The following FBXL13 variants were observed in gnomAD, a reference collection of about 807,000 sequenced individuals.
FBXL13 encodes F-box and leucine rich repeat protein 13.
A neutral mutation model predicts 83.6 loss-of-function variants in FBXL13; 67 were observed. The ratio of observed to expected loss-of-function variants is 0.80; its 90% confidence interval spans 0.66 to 0.98. FBXL13 has a LOEUF of 0.98. Ranked by LOEUF, FBXL13 falls within the 50% of genes least tolerant of loss-of-function variation. The pLI is 0.00. For synonymous variants in FBXL13, 272 were observed against 299.5 expected (o/e 0.91, Z 0.95); for missense variants, 822 against 866.5 (o/e 0.95, Z 0.64).
chr7:102,977,770 A>T (rs1256247758), intron 6 of FBXL13, among the ~76,000 whole-genome samples: 1 of 152,220 alleles, frequency 6.6e-6, no homozygotes, highest in Non-Finnish European at 1.5e-5. Flanking sequence ...ATGCAGCCAT[A>T]AAAAATGATG....
In FBXL13 at chr7:103,059,929, T is replaced by TA. The variant is rs1200326438; in HGVS notation, c.-104-4183dup. ...AAAAAAGGGGGATAATAAAGGTTCA[T>TA]ACGCTATAGGGCTATCATGAAAATT... On this transcript the variant is annotated intron_variant, in intron 1 of 19. Transcript: ENST00000313221. Among the ~76,000 whole-genome samples the TA allele has an allele frequency of 8.7e-4, 130 of 148,730 alleles. 4 individuals are homozygous for TA. In the Admixed American group the frequency reaches 8.8e-3, roughly 10 times the overall value.
intron 17 of FBXL13, among the ~76,000 whole-genome samples, chr7:102,846,967 T>C (rs560822747): frequency 4.3e-4 from 66 of 152,314 alleles, no homozygotes; most frequent in African/African-American, 1.5e-3. Flanking sequence ...TTTATATATT[T>C]TGAATGGTTG....
At chr7:102,813,465 A>T (rs76271897) in exon 20 of FBXL13, 1 of 1,614,088 alleles carries the variant, frequency 6.2e-7, no homozygotes, top group Non-Finnish European at 8.5e-7. Context: ...AGCCAAACCA[A>T]CGTGGAGGGT....
chr7:102,956,434 A>G (rs890565220), intron 8 of FBXL13, among the ~76,000 whole-genome samples: 7 of 152,232 alleles, frequency 4.6e-5, no homozygotes, highest in African/African-American at 1.7e-4. Flanking sequence ...ATCATACTGA[A>G]TGGGCAAAAT....
upstream of FBXL13, chr7:103,074,660 C>T (rs765792980): frequency 1.2e-5 from 15 of 1,281,740 alleles, no homozygotes; most frequent in Non-Finnish European, 1.5e-5. Flanking sequence ...AACTCCCCAC[C>T]GACGGTCTGT....
At chr7:102,877,674 G>A in intron 15 of FBXL13, 81 bp from the exon 17 acceptor site, 3 of 1,437,096 alleles carry the variant, frequency 2.1e-6, no homozygotes, top group African/African-American at 2.9e-5. Context: ...AACTATCTTG[G>A]GAAAACAAAT....
exon 7 of FBXL13, chr7:102,968,088 C>T (rs750848629): frequency 3.1e-6 from 5 of 1,613,600 alleles, no homozygotes; most frequent in East Asian, 2.2e-5. Context: ...CACATATTAT[C>T]ACATCTTTTA....
rs77592854 is a variant in FBXL13 at position 102,981,182 on chromosome 7, A to G, written c.496-13065T>C. Among the ~76,000 whole-genome samples the G allele has an allele frequency of 3.7e-3, 571 of 152,342 alleles. 8 individuals are homozygous for G. The highest frequency in any genetic ancestry group is 0.014 in the African/African-American group (564 of 41,560). On this transcript the variant is annotated intron_variant, in intron 6 of 19. Transcript: ENST00000313221. Reference sequence around the variant, plus strand: ...GAGAGGTAAAAGCAACTAGAAAAGAAAAGTGGCAGCACAGAAAAGTAGTAG... The same window carrying G: ...GAGAGGTAAAAGCAACTAGAAAAGAGAAGTGGCAGCACAGAAAAGTAGTAG...
chr7:102,973,830 T>C (rs1827082601), intron 6 of FBXL13: 1 of 707,840 alleles, frequency 1.4e-6, no homozygotes, highest in Admixed American at 2.0e-5. Flanking sequence ...TCTTGGTTTC[T>C]CCAGTCTGAA....
At chr7:103,070,717 C>G (rs913031908) in intron 1 of FBXL13, among the ~76,000 whole-genome samples, 1 of 152,120 alleles carries the variant, frequency 6.6e-6, no homozygotes, top group Non-Finnish European at 1.5e-5. Context: ...GCAAAGGGAG[C>G]CAGCATGTAA....
At chr7:102,893,519 C>T (rs572097573) in intron 11 of FBXL13, among the ~76,000 whole-genome samples, 14 of 152,306 alleles carry the variant, frequency 9.2e-5, no homozygotes, top group African/African-American at 3.4e-4. Flanking sequence ...GTAATCCCAG[C>T]ACTTTGGGAG....
chr7:102,885,490 G>A (rs578161708), intron 11 of FBXL13, among the ~76,000 whole-genome samples: 17 of 150,652 alleles, frequency 1.1e-4, no homozygotes, highest in South Asian at 4.2e-4. Context: ...TTGTTGAATT[G>A]TAAGAATTCT....
At chr7:103,006,471 C>T (rs941863123) in intron 6 of FBXL13, among the ~76,000 whole-genome samples, 3 of 152,100 alleles carry the variant, frequency 2.0e-5, no homozygotes, top group African/African-American at 7.2e-5. Flanking sequence ...TCATTGAATA[C>T]TTGGGGCATT....
chr7:103,046,592 C>A (rs889655619), intron 2 of FBXL13, among the ~76,000 whole-genome samples: 6 of 152,186 alleles, frequency 3.9e-5, no homozygotes, highest in Non-Finnish European at 8.8e-5. Context: ...ATGTATAAGG[C>A]TGGTGCAAAA....
chr7:102,878,500 T>C (rs768978266), intron 14 of FBXL13, 50 bp from the exon 16 acceptor site: 2 of 1,307,546 alleles, frequency 1.5e-6, no homozygotes, highest in Non-Finnish European at 2.1e-6. Context: ...TATAAACATA[T>C]AGAATAGTAT....
intron 19 of FBXL13, chr7:102,816,322 G>A (rs1256502826): frequency 6.6e-6 from 1 of 152,264 alleles, no homozygotes; most frequent in Non-Finnish European, 1.5e-5. Flanking sequence ...CACAGCAAGG[G>A]TGGTCCTAGG....
intron 17 of FBXL13, among the ~76,000 whole-genome samples, chr7:102,853,303 C>T (rs980146787): frequency 8.5e-5 from 13 of 152,118 alleles, no homozygotes; most frequent in African/African-American, 3.1e-4. Flanking sequence ...AACCAAACAC[C>T]ACCCATTCCC....
intron 6 of FBXL13, among the ~76,000 whole-genome samples, chr7:103,000,016 T>G (rs549377954): frequency 1.3e-5 from 2 of 152,196 alleles, no homozygotes; most frequent in Non-Finnish European, 2.9e-5. Flanking sequence ...TTTTTTGATA[T>G]AGGCATTTAT....
intron 8 of FBXL13, chr7:102,944,507 C>T (rs2129476065): frequency 6.2e-7 from 1 of 1,613,968 alleles, no homozygotes; most frequent in South Asian, 1.1e-5. Context: ...CCAGCATATC[C>T]TGAGTCATTT....
Sources: allele counts gnomAD v4.1 joint callset (sites outside exome capture counted in the v4.1 genomes callset), GRCh38; gene constraint gnomAD v4.1.1; transcripts MANE v1.5; gene names NCBI Gene and HGNC (gene_info 2026-07-23, HGNC 2026-07-21).